FCAMR: variants seen among roughly 807,000 people sequenced by gnomAD.
FCAMR encodes Fc alpha and mu receptor.
In FCAMR, 51 loss-of-function variants were observed where a neutral mutation model predicts 52.2. That is an observed-to-expected ratio of 0.98 (90% confidence interval 0.78 to 1.23). The LOEUF is 1.23. Ranked by LOEUF, FCAMR falls within the 50% of genes most tolerant of loss-of-function variation. FCAMR has a pLI of 0.00. For missense variants in FCAMR, 719 were observed against 712.6 expected, an observed-to-expected ratio of 1.01 and a Z score of -0.10; for synonymous variants, 282 against 262.0, an observed-to-expected ratio of 1.08 and a Z score of -0.74.
intron 3 of FCAMR, 125 bp downstream of exon 3, chr1:206,966,927 G>T: frequency 1.2e-6 from 1 of 824,438 alleles, no homozygotes; most frequent in Non-Finnish European, 2.0e-6. Flanking sequence ...GGAGCCATTT[G>T]TCATCTGAGC....
Position 206,960,412 on chromosome 1 carries a change from C to G in FCAMR, c.1454+10G>C. The G allele has an allele frequency of 6.8e-7, 1 of 1,475,878 alleles. No individual in the cohort carries two copies. Among genetic ancestry groups the G allele is most frequent in the South Asian group, 1.4e-5 (1 of 70,118 alleles). The allele number at this position is 1,475,878 out of a possible 1,614,324, so 91.4% of individuals were successfully genotyped here. On this transcript the variant is annotated intron_variant, in intron 6 of 7. Transcript: ENST00000324852. ...GGGCCCCCCAACCGGGAGAAGGTGC[C>G]TGGGGTTACCGCTTCACGGAGGACT...
chr1:206,969,593 C>T (rs1357551236), intron 1 of FCAMR, among the ~76,000 whole-genome samples: 1 of 152,210 alleles, frequency 6.6e-6, no homozygotes, highest in African/African-American at 2.4e-5. Flanking sequence ...CTGCTTGCTG[C>T]ATGACTTCCC....
Position 206,959,721 on chromosome 1 carries a change from C to T in FCAMR, c.1531G>A (p.Ala511Thr), listed in dbSNP as rs775668985. The T allele has an allele frequency of 6.2e-7, 1 of 1,614,076 alleles. No individual in the cohort carries two copies. The highest frequency in any genetic ancestry group is 1.1e-5 in the South Asian group (1 of 91,090). ...STMLALFMLM[A>T]LVLLQRKLWR... ...AGCTTCCTTTGCAATAGAACCAGAG[C>T]CATAAGCATAAACAGGGCCAGCATG... Residue 511 changes from alanine (A) to threonine (T), a missense_variant, in exon 7 of 8, where the codon GCT (alanine) becomes ACT (threonine). Transcript: ENST00000324852.
Position 206,960,998 on chromosome 1 carries a change from C to A in FCAMR, c.878G>T (p.Gly293Val), listed in dbSNP as rs1219959610. 1 of 1,551,780 alleles carries A rather than the reference C, an allele frequency of 6.4e-7. No homozygotes were observed. Among genetic ancestry groups the A allele is most frequent in the East Asian group, 2.4e-5 (1 of 40,940 alleles). ...AGAACCCTCTGCCCAGCTGCCTGTCCCTGGAGCTGCTGGCCTGGTTGCTCC... is the reference window on the plus strand; with the variant it reads ...AGAACCCTCTGCCCAGCTGCCTGTCACTGGAGCTGCTGGCCTGGTTGCTCC... ...TPGATRPAAP[G>V]TGSWAEGSVK... The change falls in exon 6 of 8, where the codon GGG becomes GTG. Residue 293 changes from glycine to valine, a missense_variant. Physicochemically the swap from Gly to Val is moderately radical, Grantham distance 109 (BLOSUM62 -3). Transcript: ENST00000324852.
intron 1 of FCAMR, 146 bp from the exon 2 acceptor site, chr1:206,967,797 A>G: frequency 1.4e-6 from 1 of 712,190 alleles, no homozygotes; most frequent in Admixed American, 2.4e-5. Context: ...CTTCTCCACA[A>G]CTTCTAGAAA....
At chr1:206,958,700 T>C (rs772103789) in intron 7 of FCAMR, 24 bp from the exon 8 acceptor site, 10 of 1,613,978 alleles carry the variant, frequency 6.2e-6, no homozygotes, top group Non-Finnish European at 8.5e-6. Flanking sequence ...GAGCAGACTG[T>C]GAGGGTTCTG....
chr1:206,965,728 C>A lies in FCAMR; in HGVS notation c.300G>T (p.Glu100Asp). Residue 100 changes from glutamate (E) to aspartate (D), a missense_variant, in exon 4 of 8, where the codon GAG becomes GAT. Glu to Asp is a conservative substitution (Grantham distance 45). Transcript: ENST00000324852. ...RPSSPLCWRE[E>D]SSFAAPNSLK... is the part of the protein sequence containing the mutation. Reference sequence around the variant, plus strand: ...TAGGGGTTGTACCTGCAAAGGAGCTCTCCTCCCGCCAGCAGAGGGGCGAGG... The same window carrying A: ...TAGGGGTTGTACCTGCAAAGGAGCTATCCTCCCGCCAGCAGAGGGGCGAGG... The A allele has an allele frequency of 6.4e-7, 1 of 1,572,486 alleles. No individual in the cohort carries two copies. Among genetic ancestry groups the A allele is most frequent in the South Asian group, 1.2e-5 (1 of 84,670 alleles).
intron 1 of FCAMR, 78 bp from the exon 2 acceptor site, chr1:206,967,729 G>T: frequency 7.2e-7 from 1 of 1,379,744 alleles, no homozygotes; most frequent in Non-Finnish European, 1.0e-6. Flanking sequence ...TAGTAACAAG[G>T]AGTTAAAAAT....
chr1:206,965,688 C>G, intron 4 of FCAMR, 27 bp downstream of exon 4: 1 of 1,534,502 alleles, frequency 6.5e-7, no homozygotes, highest in South Asian at 1.3e-5. Flanking sequence ...GGTCCATGGT[C>G]GAACAAAGGG....
In FCAMR at chr1:206,960,706, G is replaced by C; in HGVS notation, c.1170C>G (p.Ile390Met). Residue 390 changes from isoleucine to methionine, a missense_variant, in exon 6 of 8, where the codon ATC (isoleucine) becomes ATG (methionine). Physicochemically the swap from Ile to Met is conservative, Grantham distance 10 (BLOSUM62 1). Transcript: ENST00000324852. ...TAGAAACTGGCGTTGCTTGTGGGAG[G>C]ATTTCCCAGGCCAAAGTTTCTGAGA... ...ALVSETLAWE[I>M]LPQATPVSKQ... is the part of the protein sequence containing the mutation. 1 of 1,552,278 alleles carries C rather than the reference G, an allele frequency of 6.4e-7. No individual in the cohort carries two copies.
rs1305213091 is a variant in FCAMR, at chr1:206,970,365, C to G, written c.-240G>C. 1.8e-5 allele frequency: 9 copies of G among 491,370 alleles called. No homozygotes were observed. Among genetic ancestry groups the G allele is most frequent in the African/African-American group, 1.8e-4 (9 of 50,044 alleles). 30.4% of individuals were successfully genotyped at this position (491,370 alleles called of 1,614,324 possible). Reference sequence around the variant, plus strand: ...GAGGAAGCCAGTCCTAATCCCTTGTCATTCTTACTGTCACTTATTCCTGAA... The same window carrying G: ...GAGGAAGCCAGTCCTAATCCCTTGTGATTCTTACTGTCACTTATTCCTGAA... On this transcript the variant is annotated 5_prime_UTR_variant, in exon 1 of 8. The change abolishes an upstream ATG in the 5' untranslated region. Coordinates refer to ENST00000324852, the MANE Select transcript of FCAMR (RefSeq NM_001170631.2).
At chr1:206,965,627 C>T in intron 4 of FCAMR, 88 bp downstream of exon 4, 1 of 1,441,824 alleles carries the variant, frequency 6.9e-7, no homozygotes, top group East Asian at 2.6e-5. Context: ...GCTAGGGCTG[C>T]CTATAGCTGT....
chr1:206,963,724 G>A (rs766899814), intron 4 of FCAMR, among the ~76,000 whole-genome samples: 1 of 152,224 alleles, frequency 6.6e-6, no homozygotes, highest in Non-Finnish European at 1.5e-5. Flanking sequence ...GTTGGGCAGA[G>A]TGGGGAGAGG....
rs1237559366 is a variant in FCAMR, at chr1:206,960,417, G to T, written c.1454+5C>A. 4.0e-6 allele frequency: 6 copies of T among 1,481,642 alleles called. No individual in the cohort carries two copies. The highest frequency in any genetic ancestry group is 5.4e-6 in the Non-Finnish European group (6 of 1,116,158). The allele number at this position is 1,481,642 out of a possible 1,614,324, so 91.8% of individuals were successfully genotyped here. A position where few individuals can be genotyped will look rare whatever the true frequency, so the allele number is the denominator to read the frequency against. ...CCCCAACCGGGAGAAGGTGCCTGGGGTTACCGCTTCACGGAGGACTCCTTG... is the reference window on the plus strand; with the variant it reads ...CCCCAACCGGGAGAAGGTGCCTGGGTTTACCGCTTCACGGAGGACTCCTTG... On this transcript the variant is annotated splice_donor_5th_base_variant and intron_variant, in intron 6 of 7. Transcript: ENST00000324852.
At chr1:206,965,642 A>T (rs981979111) in intron 4 of FCAMR, 73 bp downstream of exon 4, 2 of 1,482,428 alleles carry the variant, frequency 1.3e-6, no homozygotes, top group African/African-American at 2.9e-5. Context: ...AGCTGTAGGG[A>T]GCCTGACTTG....
chr1:206,962,486 A>C lies in FCAMR; in HGVS notation c.379T>G (p.Cys127Gly). Residue 127 changes from cysteine (C) to glycine (G), a missense_variant, in exon 5 of 8, where the codon TGC becomes GGC. Cys to Gly is a radical substitution (Grantham distance 159). Transcript: ENST00000324852. The stretch of plus-strand genomic sequence containing the variant: ...TTGACAGATGAGGGGGCATAATGGC[A>C]CTGGATGGTGACAGCTCCTCCAGGC... ...GEPGGAVTIQCHYAPSSVNRH... is the reference protein window; with the variant it reads ...GEPGGAVTIQGHYAPSSVNRH... The C allele has an allele frequency of 6.2e-7, 1 of 1,609,868 alleles. No individual in the cohort carries two copies. The highest frequency in any genetic ancestry group is 2.2e-5 in the East Asian group (1 of 44,758).
At chr1:206,967,721 G>T in intron 1 of FCAMR, 70 bp from the exon 2 acceptor site, 1 of 1,397,256 alleles carries the variant, frequency 7.2e-7, no homozygotes, top group Non-Finnish European at 1.0e-6. Flanking sequence ...GCCTCGGTTA[G>T]TAACAAGGAG....
At chr1:206,969,482 C>T (rs905283880) in intron 1 of FCAMR, 2 of 345,906 alleles carry the variant, frequency 5.8e-6, no homozygotes, top group Non-Finnish European at 1.2e-5. Context: ...GCTTCTGTTA[C>T]TGCACACTGC....
In FCAMR at chr1:206,962,329, C is replaced by A. The variant is rs1243889491; in HGVS notation, c.536G>T (p.Gly179Val). 2 of 1,614,206 alleles carry A rather than the reference C, an allele frequency of 1.2e-6. No homozygotes were observed. The highest frequency in any genetic ancestry group is 1.7e-6 in the Non-Finnish European group (2 of 1,180,038). ...RVALTDFPQR[G>V]LFVVRLSQLS... Reference sequence around the variant, plus strand: ...TTGGGACAGCCTCACCACAAACAAGCCTCTCTGTGGAAAGTCTGTGAGGGC... The same window carrying A: ...TTGGGACAGCCTCACCACAAACAAGACTCTCTGTGGAAAGTCTGTGAGGGC... The change falls in exon 5 of 8, where the codon GGC becomes GTC. Residue 179 changes from glycine (G) to valine (V), a missense_variant. By Grantham distance (109) the Gly-to-Val change is moderately radical. Transcript: ENST00000324852.
Sources: allele counts gnomAD v4.1 joint callset (sites outside exome capture counted in the v4.1 genomes callset), GRCh38; gene constraint gnomAD v4.1.1; transcripts MANE v1.5; gene names NCBI Gene and HGNC (gene_info 2026-07-23, HGNC 2026-07-21).